The following MAGI2 variants were observed in gnomAD, a reference collection of about 807,000 sequenced individuals.
The protein encoded by MAGI2 is membrane associated guanylate kinase, WW and PDZ domain containing 2.
Under a neutral mutation model 133.3 loss-of-function variants are expected in MAGI2, and 35 were observed. That is an observed-to-expected ratio of 0.26 (90% CI 0.20 to 0.35). The LOEUF (loss-of-function observed/expected upper bound fraction) is 0.35, where lower values mean the gene tolerates loss of function less well. MAGI2 is among the 10% of genes least tolerant of loss of function. MAGI2 has a pLI of 1.00. For missense variants in MAGI2, 1,636 were observed against 1,863.4 expected (o/e 0.88, Z 2.25); for synonymous variants, 729 against 710.6 (o/e 1.03, Z -0.41).
chr7:78,591,191 T>G (rs1456679439), intron 3 of MAGI2, among the ~76,000 whole-genome samples: 4 of 152,006 alleles, frequency 2.6e-5, no homozygotes, highest in African/African-American at 9.7e-5. Context: ...CTTTGGGAGA[T>G]TTTACATGAT....
intron 2 of MAGI2, among the ~76,000 whole-genome samples, chr7:78,779,302 C>T (rs1174283621): frequency 6.6e-6 from 1 of 152,158 alleles, no homozygotes; most frequent in African/African-American, 2.4e-5. Context: ...CTGCCCACAT[C>T]TCCTTAGTTC....
intron 1 of MAGI2, among the ~76,000 whole-genome samples, chr7:79,289,936 C>A (rs1585443030): frequency 6.6e-6 from 1 of 151,918 alleles, no homozygotes; most frequent in South Asian, 2.1e-4. Flanking sequence ...AATTTCTCTT[C>A]ATTTAACCAT....
At chr7:79,053,593 T>C (rs138535377) in intron 1 of MAGI2, among the ~76,000 whole-genome samples, 483 of 152,300 alleles carry the variant, frequency 3.2e-3, no homozygotes, top group African/African-American at 0.011. Context: ...TACACTAATA[T>C]GGAATGTATC....
At chr7:78,206,289 C>T (rs150963666) in intron 10 of MAGI2, among the ~76,000 whole-genome samples, 70 of 124,534 alleles carry the variant, frequency 5.6e-4, no homozygotes, top group African/African-American at 2.0e-3. Context: ...TTTTCCTTTT[C>T]CTTTCTTTTT....
chr7:78,129,588 G>A (rs1421378744), intron 18 of MAGI2, among the ~76,000 whole-genome samples: 1 of 152,122 alleles, frequency 6.6e-6, no homozygotes. Context: ...TTTGTGGTAT[G>A]AAAAAGTTCC....
intron 1 of MAGI2, among the ~76,000 whole-genome samples, chr7:79,218,590 C>A: frequency 6.6e-6 from 1 of 152,030 alleles, no homozygotes; most frequent in East Asian, 1.9e-4. Context: ...CATGTTTATT[C>A]TTTTCTTACT....
chr7:78,477,188 C>T (rs971979853), intron 6 of MAGI2, among the ~76,000 whole-genome samples: 2 of 151,810 alleles, frequency 1.3e-5, no homozygotes, highest in African/African-American at 2.4e-5. Flanking sequence ...ACCTAACCAC[C>T]GAGGGACACT....
At chr7:79,447,773 T>C (rs1251915906) in intron 1 of MAGI2, among the ~76,000 whole-genome samples, 3 of 151,942 alleles carry the variant, frequency 2.0e-5, no homozygotes, top group East Asian at 1.9e-4. Flanking sequence ...TAAAATGCAA[T>C]ACAAATAGCC....
chr7:79,378,525 T>C (rs1417198420), intron 1 of MAGI2, among the ~76,000 whole-genome samples: 1 of 149,848 alleles, frequency 6.7e-6, no homozygotes, highest in East Asian at 2.0e-4. Flanking sequence ...TCTGGCAGGG[T>C]TTTTTTTTAA....
chr7:78,761,554 C>G (rs555313806), intron 2 of MAGI2, among the ~76,000 whole-genome samples: 117 of 151,826 alleles, frequency 7.7e-4, no homozygotes, highest in Non-Finnish European at 5.3e-4. Context: ...CAACCTCTGC[C>G]TCCTGTGTTC....
chr7:79,084,049 C>T (rs1004373951), intron 1 of MAGI2, among the ~76,000 whole-genome samples: 2 of 151,422 alleles, frequency 1.3e-5, no homozygotes, highest in African/African-American at 2.4e-5. Context: ...AGTCTTCTTT[C>T]TTAGTCAGTT....
intron 6 of MAGI2, chr7:78,484,109 A>G (rs1461729005): frequency 6.6e-6 from 1 of 151,986 alleles, no homozygotes; most frequent in Non-Finnish European, 1.5e-5. Flanking sequence ...AAACAATGTA[A>G]TTTAGAAACA....
At chr7:78,289,492 G>C (rs769027955) in intron 9 of MAGI2, among the ~76,000 whole-genome samples, 1 of 152,206 alleles carries the variant, frequency 6.6e-6, no homozygotes, top group Non-Finnish European at 1.5e-5. Flanking sequence ...ACCTGAAGGT[G>C]ACAGGGAGAA....
rs932336196 is a variant in MAGI2 at position 79,080,394 on chromosome 7, G to T, written c.302-73188C>A. Among the ~76,000 whole-genome samples, 6 of 152,146 alleles carry T rather than the reference G, an allele frequency of 3.9e-5. No homozygotes were observed. The East Asian group carries it at 1.2e-3, about 30-fold the overall frequency. On this transcript the variant is annotated intron_variant, in intron 1 of 21. Transcript: ENST00000354212. ...ATATATTCTCTGCATCCAACTGCTG[G>T]CCTCAGTAGCTGCTTAACGACCAGG...
At chr7:79,387,451 C>T (rs564668517) in intron 1 of MAGI2, among the ~76,000 whole-genome samples, 4 of 152,088 alleles carry the variant, frequency 2.6e-5, no homozygotes, top group South Asian at 2.1e-4. Flanking sequence ...AACACTACCA[C>T]GAAAGTAACA....
At chr7:79,426,974 C>A (rs1030241141) in intron 1 of MAGI2, among the ~76,000 whole-genome samples, 1 of 152,144 alleles carries the variant, frequency 6.6e-6, no homozygotes, top group African/African-American at 2.4e-5. Context: ...AAAATCTTTA[C>A]TTCCACCAAC....
At chr7:79,195,838 TA>T (rs1350004838) in intron 1 of MAGI2, among the ~76,000 whole-genome samples, 2 of 152,030 alleles carry the variant, frequency 1.3e-5, no homozygotes, top group African/African-American at 4.8e-5. Flanking sequence ...TGGAGGACAT[TA>T]TGTCAAGTGA....
intron 2 of MAGI2, among the ~76,000 whole-genome samples, chr7:78,822,555 A>G (rs1017049140): frequency 2.0e-5 from 3 of 151,948 alleles, no homozygotes; most frequent in African/African-American, 4.8e-5. Context: ...TCTATCTTCA[A>G]TAGTTTTGTT....
At position 78,723,291 on chromosome 7, in the gene MAGI2, A is replaced by T. The variant is rs79992259; in HGVS notation, c.419-96052T>A. 9.3e-3 allele frequency among the ~76,000 whole-genome samples: 1,419 copies of T among 152,314 alleles called. 16 individuals carry two copies. The highest frequency in any genetic ancestry group is 0.033 in the African/African-American group (1,361 of 41,572). On this transcript the variant is annotated intron_variant, in intron 2 of 21. Coordinates refer to ENST00000354212, the MANE Select transcript of MAGI2 (RefSeq NM_012301.4). ...CATTGGATGCTGGCTAATAAAATAC[A>T]TTCATCCATTTTCTTTCAATCAACC... is the stretch of plus-strand genomic sequence containing the variant.
Sources: allele counts gnomAD v4.1 joint callset (sites outside exome capture counted in the v4.1 genomes callset), GRCh38; gene constraint gnomAD v4.1.1; transcripts MANE v1.5; gene names NCBI Gene and HGNC (gene_info 2026-07-23, HGNC 2026-07-21).